Variants in KCNIP4 observed in about 807,000 individuals in gnomAD.
KCNIP4 encodes potassium voltage-gated channel interacting protein 4.
A neutral mutation model predicts 34.0 loss-of-function variants in KCNIP4; 12 were observed. The observed-to-expected ratio is 0.35, with a 90% CI of 0.23 to 0.57. KCNIP4 has a LOEUF of 0.57. Among genes scored for constraint, KCNIP4 ranks in the 20% least tolerant of loss-of-function variants. The pLI is 0.83. For synonymous variants in KCNIP4, 124 were observed against 102.2 expected (o/e 1.21, Z -1.29); for missense variants, 238 against 311.7 (o/e 0.76, Z 1.78).
At chr4:20,769,072 C>CA (rs5856579) in intron 3 of KCNIP4, among the ~76,000 whole-genome samples, 3,795 of 99,546 alleles carry the variant, frequency 0.038, 58 homozygotes, top group Non-Finnish European at 0.051. Flanking sequence ...GATTTACAGC[C>CA]AAAAAAAAAA....
At chr4:21,939,424 T>C (rs1291840499) in intron 1 of KCNIP4, among the ~76,000 whole-genome samples, 1 of 152,146 alleles carries the variant, frequency 6.6e-6, no homozygotes, top group Non-Finnish European at 1.5e-5. Flanking sequence ...TTTTAAAAGA[T>C]GAGATTTATT....
At chr4:20,915,083 A>C (rs1293757185) in intron 1 of KCNIP4, among the ~76,000 whole-genome samples, 1 of 152,244 alleles carries the variant, frequency 6.6e-6, no homozygotes, top group Admixed American at 6.5e-5. Flanking sequence ...TTCTCTCTCC[A>C]AATGACTGTT....
At chr4:20,959,526 T>A (rs1733647233) in intron 1 of KCNIP4, among the ~76,000 whole-genome samples, 1 of 152,214 alleles carries the variant, frequency 6.6e-6, no homozygotes, top group Non-Finnish European at 1.5e-5. Context: ...TCTCTCTCCT[T>A]CTATCCTAGG....
chr4:21,910,135 G>A (rs1159845506), intron 1 of KCNIP4, among the ~76,000 whole-genome samples: 1 of 152,166 alleles, frequency 6.6e-6, no homozygotes, highest in Admixed American at 6.5e-5. Flanking sequence ...AGGAACTACG[G>A]TGTCTCTCTC....
intron 1 of KCNIP4, among the ~76,000 whole-genome samples, chr4:21,609,909 G>A (rs373541418): frequency 2.5e-4 from 38 of 152,214 alleles, no homozygotes; most frequent in East Asian, 9.7e-4. Flanking sequence ...GCTGAAGATC[G>A]AATACTATCT....
intron 1 of KCNIP4, among the ~76,000 whole-genome samples, chr4:21,358,501 A>G (rs994441111): frequency 3.9e-5 from 6 of 152,120 alleles, no homozygotes; most frequent in African/African-American, 9.7e-5. Context: ...CTCAAACAAG[A>G]CCAAAACAGT....
At chr4:21,642,386 A>G (rs1746677230) in intron 1 of KCNIP4, among the ~76,000 whole-genome samples, 1 of 152,126 alleles carries the variant, frequency 6.6e-6, no homozygotes, top group South Asian at 2.1e-4. Flanking sequence ...AGAACAGTGG[A>G]ATGACCTTTT....
intron 1 of KCNIP4, among the ~76,000 whole-genome samples, chr4:21,066,643 T>TA (rs1744417354): frequency 6.6e-6 from 1 of 151,922 alleles, no homozygotes; most frequent in Non-Finnish European, 1.5e-5. Context: ...CCTGTCACAG[T>TA]AAAAAGTAAC....
At chr4:21,087,757 G>C (rs1471573496) in intron 1 of KCNIP4, among the ~76,000 whole-genome samples, 1 of 152,036 alleles carries the variant, frequency 6.6e-6, no homozygotes, top group Non-Finnish European at 1.5e-5. Flanking sequence ...ATACATATCT[G>C]TCAGCAGCAC....
At chr4:20,835,443 TTTA>T (rs200453357) in intron 3 of KCNIP4, among the ~76,000 whole-genome samples, 3 of 151,932 alleles carry the variant, frequency 2.0e-5, no homozygotes, top group East Asian at 1.9e-4. Context: ...GCCCATTTCT[TTTA>T]TTATTATTAT....
rs1748446224 is a variant in KCNIP4 at position 20,732,149 on chromosome 4, T to C, written c.643-81A>G. 19 of 955,962 alleles carry C rather than the reference T, an allele frequency of 2.0e-5. 1 individual carries two copies. In the South Asian group the frequency reaches 2.8e-4, roughly 14 times the overall value. The allele number at this position is 955,962 out of a possible 1,614,324, so 59.2% of individuals were successfully genotyped here. A position where few individuals can be genotyped will look rare whatever the true frequency, so the allele number is the denominator to read the frequency against. On this transcript the variant is annotated intron_variant, in intron 7 of 8. Coordinates refer to ENST00000382152, the MANE Select transcript of KCNIP4 (RefSeq NM_025221.6). ...CCTGGACCAAATGAGCTGAAGCTGA[T>C]AAAAAGAAAACCTAGCTGCTTATTT...
chr4:21,298,260 G>C (rs566545727), intron 1 of KCNIP4, among the ~76,000 whole-genome samples: 63 of 152,154 alleles, frequency 4.1e-4, no homozygotes, highest in Admixed American at 1.6e-3. Flanking sequence ...TTTACTTGCT[G>C]AGAAAGGTTG....
At chr4:21,753,917 C>T (rs774918563) in intron 1 of KCNIP4, among the ~76,000 whole-genome samples, 2 of 151,992 alleles carry the variant, frequency 1.3e-5, no homozygotes, top group African/African-American at 2.4e-5. Context: ...ATCTACTGAC[C>T]CCCTCCTCCT....
At chr4:21,137,872 TTTTTTG>T (rs1210740028) in intron 1 of KCNIP4, among the ~76,000 whole-genome samples, 2 of 55,302 alleles carry the variant, frequency 3.6e-5, no homozygotes, top group African/African-American at 8.3e-5. Flanking sequence ...TTACACAGGC[TTTTTTG>T]TTTTTTTTTT....
In KCNIP4 at chr4:21,011,338, C is replaced by T. The variant is rs971629393; in HGVS notation, c.62-128629G>A. On this transcript the variant is annotated intron_variant, in intron 1 of 8. Coordinates refer to ENST00000382152, the MANE Select transcript of KCNIP4 (RefSeq NM_025221.6). ...TCTTGTTTCTGAAATGTCTTCTGAT[C>T]ACTGAGTCATAAGAGTAACACTTCT... Among the ~76,000 whole-genome samples, 4 of 152,260 alleles carry T rather than the reference C, an allele frequency of 2.6e-5. No homozygotes were observed. In the East Asian group the frequency reaches 7.7e-4, roughly 29 times the overall value.
At chr4:20,876,891 A>G (rs1333016978) in intron 2 of KCNIP4, among the ~76,000 whole-genome samples, 2 of 152,130 alleles carry the variant, frequency 1.3e-5, no homozygotes, top group Admixed American at 6.5e-5. Context: ...ATCTTATAAG[A>G]GGAGTGTGAC....
At chr4:21,294,720 C>G (rs1763739697) in intron 1 of KCNIP4, among the ~76,000 whole-genome samples, 1 of 152,122 alleles carries the variant, frequency 6.6e-6, no homozygotes, top group Non-Finnish European at 1.5e-5. Flanking sequence ...AGTCAATTAA[C>G]CTTCCTGGGC....
chr4:21,216,688 A>G (rs1249818814), intron 1 of KCNIP4, among the ~76,000 whole-genome samples: 3 of 152,304 alleles, frequency 2.0e-5, no homozygotes, highest in East Asian at 3.9e-4. Flanking sequence ...TTAAACTAGT[A>G]TATGGTTTCC....
At chr4:21,375,117 T>C (rs988293262) in intron 1 of KCNIP4, among the ~76,000 whole-genome samples, 2 of 147,446 alleles carry the variant, frequency 1.4e-5, no homozygotes, top group Non-Finnish European at 2.9e-5. Context: ...AGCTTGCAAA[T>C]AGGTTACTCA....
Sources: gnomAD v4.1 joint callset for allele counts (sites outside exome capture counted in the v4.1 genomes callset) on GRCh38, gnomAD v4.1.1 for gene constraint, MANE v1.5 for transcripts, NCBI Gene and HGNC (gene_info 2026-07-23, HGNC 2026-07-21) for gene names.